The following KCNH7 variants were observed in gnomAD, a reference collection of about 807,000 sequenced individuals.
KCNH7 encodes the protein voltage-gated inwardly rectifying potassium channel KCNH7.
In KCNH7, 49 loss-of-function variants were observed where a neutral mutation model predicts 120.8. The observed-to-expected ratio is 0.41, with a 90% CI of 0.32 to 0.51. The LOEUF is 0.51. KCNH7 is among the 20% of genes least tolerant of loss of function. The pLI is 0.38. For synonymous variants in KCNH7, 547 were observed against 516.1 expected (o/e 1.06, Z -0.81); for missense variants, 1,097 against 1,446.6 (o/e 0.76, Z 3.92).
intron 2 of KCNH7, among the ~76,000 whole-genome samples, chr2:162,673,746 A>G (rs1685440165): frequency 6.6e-6 from 1 of 152,056 alleles, no homozygotes; most frequent in Non-Finnish European, 1.5e-5. Flanking sequence ...AGCCACCAAG[A>G]CATTGGATTT....
intron 2 of KCNH7, among the ~76,000 whole-genome samples, chr2:162,651,234 T>A (rs1481035061): frequency 1.3e-5 from 2 of 152,182 alleles, no homozygotes; most frequent in African/African-American, 4.8e-5. Flanking sequence ...TTATTTTAGG[T>A]TCAGCAGTAC....
chr2:162,504,613 C>T lies in KCNH7; in HGVS notation c.958G>A (p.Asp320Asn). 1.2e-6 allele frequency: 2 copies of T among 1,612,742 alleles called. No homozygotes were observed. Among genetic ancestry groups the T allele is most frequent in the Non-Finnish European group, 1.7e-6 (2 of 1,179,184 alleles). The change falls in exon 6 of 16, where the codon GAT (aspartate) becomes AAT (asparagine). Residue 320 changes from aspartate to asparagine, a missense_variant. Asp to Asn is a conservative substitution (Grantham distance 23, BLOSUM62 1). Transcript: ENST00000332142. The stretch of plus-strand genomic sequence containing the variant: ...GTGCTGTATTTGTTGAGGTTTGAAT[C>T]TGATGTGGATCCCAGGAGGCTTGAC... ...IKSSLLGSTS[D>N]SNLNKYSTIN...
At chr2:162,528,650 A>G (rs1691800611) in intron 3 of KCNH7, among the ~76,000 whole-genome samples, 1 of 152,000 alleles carries the variant, frequency 6.6e-6, no homozygotes, top group Admixed American at 6.6e-5. Context: ...ATCCATGCAT[A>G]GGGCTTTGGA....
intron 2 of KCNH7, among the ~76,000 whole-genome samples, chr2:162,795,162 G>A (rs1302864447): frequency 6.6e-6 from 1 of 151,954 alleles, no homozygotes; most frequent in Non-Finnish European, 1.5e-5. Context: ...TTTGCCTTGT[G>A]TATTGTCAAT....
At chr2:162,832,783 G>A (rs1685522581) in intron 2 of KCNH7, among the ~76,000 whole-genome samples, 1 of 152,024 alleles carries the variant, frequency 6.6e-6, no homozygotes, top group South Asian at 2.1e-4. Flanking sequence ...TTTCTAGAAG[G>A]TCTTTCCACA....
At chr2:162,570,647 A>T (rs1332817150) in intron 2 of KCNH7, among the ~76,000 whole-genome samples, 1 of 152,058 alleles carries the variant, frequency 6.6e-6, no homozygotes, top group Non-Finnish European at 1.5e-5. Flanking sequence ...ACATTTTGGC[A>T]TGATTTTGCA....
intron 2 of KCNH7, among the ~76,000 whole-genome samples, chr2:162,744,383 C>T (rs1688238693): frequency 6.6e-6 from 1 of 151,864 alleles, no homozygotes; most frequent in African/African-American, 2.4e-5. Flanking sequence ...AAGCAACAGC[C>T]TTTCTTTTCC....
chr2:162,479,861 T>C (rs1437587333), intron 6 of KCNH7, among the ~76,000 whole-genome samples: 1 of 152,182 alleles, frequency 6.6e-6, no homozygotes, highest in Non-Finnish European at 1.5e-5. Flanking sequence ...CTTTTAGTCT[T>C]TCTTAGAATG....
At chr2:162,779,902 T>C (rs1221415229) in intron 2 of KCNH7, among the ~76,000 whole-genome samples, 1 of 152,166 alleles carries the variant, frequency 6.6e-6, no homozygotes, top group Non-Finnish European at 1.5e-5. Flanking sequence ...TTTCCCCCTC[T>C]CAATTGCCTC....
chr2:162,752,900 CAGAA>C (rs1296175792), intron 2 of KCNH7, among the ~76,000 whole-genome samples: 1 of 6,826 alleles, frequency 1.5e-4, no homozygotes, highest in Non-Finnish European at 2.2e-3. Flanking sequence ...GACTACATCT[CAGAA>C]AAAGAAAAGA....
At chr2:162,710,693 A>T (rs944635660) in intron 2 of KCNH7, among the ~76,000 whole-genome samples, 2 of 152,198 alleles carry the variant, frequency 1.3e-5, no homozygotes, top group African/African-American at 4.8e-5. Context: ...TGCAATAAGT[A>T]TCAAGGATTC....
At chr2:162,563,211 T>C (rs1178267636) in intron 2 of KCNH7, among the ~76,000 whole-genome samples, 1 of 152,208 alleles carries the variant, frequency 6.6e-6, no homozygotes, top group Non-Finnish European at 1.5e-5. Flanking sequence ...TTTCTTCATC[T>C]GACTACTCAA....
At chr2:162,631,123 G>A (rs1683751148) in intron 2 of KCNH7, among the ~76,000 whole-genome samples, 1 of 152,096 alleles carries the variant, frequency 6.6e-6, no homozygotes, top group Non-Finnish European at 1.5e-5. Context: ...GAGCAGGTTT[G>A]TCCTGGTATT....
intron 2 of KCNH7, among the ~76,000 whole-genome samples, chr2:162,651,436 C>T (rs1559064664): frequency 2.0e-5 from 3 of 152,086 alleles, no homozygotes; most frequent in African/African-American, 2.4e-5. Context: ...CATCATTTAG[C>T]TCCCACTTAT....
intron 3 of KCNH7, among the ~76,000 whole-genome samples, chr2:162,521,306 T>G (rs1435893570): frequency 3.3e-5 from 5 of 151,874 alleles, no homozygotes; most frequent in Non-Finnish European, 7.4e-5. Flanking sequence ...CAATTTTGAC[T>G]GTAGGAAAAC....
At chr2:162,415,511 AATT>A (rs1253453533) in intron 9 of KCNH7, among the ~76,000 whole-genome samples, 1 of 152,184 alleles carries the variant, frequency 6.6e-6, no homozygotes, top group Non-Finnish European at 1.5e-5. Flanking sequence ...CTGTAAAACA[AATT>A]ATTTTACTGT....
At chr2:162,375,091 T>A (rs1241212204) in intron 14 of KCNH7, among the ~76,000 whole-genome samples, 1 of 152,170 alleles carries the variant, frequency 6.6e-6, no homozygotes, top group Non-Finnish European at 1.5e-5. Flanking sequence ...AATCTTTCCT[T>A]ATTTACCCCA....
intron 9 of KCNH7, among the ~76,000 whole-genome samples, chr2:162,417,918 G>T (rs1209357257): frequency 1.3e-5 from 2 of 152,104 alleles, no homozygotes; most frequent in Non-Finnish European, 2.9e-5. Flanking sequence ...AGAACTGTAG[G>T]GTAAGTAGCC....
intron 2 of KCNH7, among the ~76,000 whole-genome samples, chr2:162,593,125 G>C (rs572418194): frequency 3.9e-5 from 6 of 151,940 alleles, no homozygotes; most frequent in African/African-American, 1.4e-4. Context: ...CATATTTTTG[G>C]CAACTCTTTC....
Sources: allele counts gnomAD v4.1 joint callset (sites outside exome capture counted in the v4.1 genomes callset), GRCh38; gene constraint gnomAD v4.1.1; transcripts MANE v1.5; gene names NCBI Gene and HGNC (gene_info 2026-07-23, HGNC 2026-07-21).